The following LZTS1 variants were observed in gnomAD, a reference collection of about 807,000 sequenced individuals.
The protein encoded by LZTS1 is leucine zipper tumor suppressor 1.
A neutral mutation model predicts 45.8 loss-of-function variants in LZTS1; 31 were observed. That is an observed-to-expected ratio of 0.68 (90% CI 0.51 to 0.91). The LOEUF (loss-of-function observed/expected upper bound fraction) is 0.91, where lower values mean the gene tolerates loss of function less well. Ranked by LOEUF, LZTS1 falls within the 40% of genes least tolerant of loss-of-function variation. LZTS1 has a pLI of 0.00. For synonymous variants in LZTS1, 359 were observed against 357.3 expected, an observed-to-expected ratio of 1.00 and a Z score of -0.05; for missense variants, 821 against 788.9, an observed-to-expected ratio of 1.04 and a Z score of -0.49.
Position 20,250,079 on chromosome 8 carries a change from C to T in LZTS1, c.1434G>A (p.Leu478=), listed in dbSNP as rs754473826. 3 of 1,606,760 alleles carry T rather than the reference C, an allele frequency of 1.9e-6. No individual in the cohort carries two copies. Among genetic ancestry groups the T allele is most frequent in the Non-Finnish European group, 2.5e-6 (3 of 1,179,250 alleles). Residue 478 remains leucine, a synonymous_variant, in exon 4 of 4, where the codon CTG becomes CTA. Coordinates refer to ENST00000381569, the MANE Select transcript of LZTS1 (RefSeq NM_021020.5). ...CGCGGGCCAGGGCGGCCTGGGCCCG[C>T]AGCTCCTGCAGCTCCTGCTCCAGCA... ...VNLLEQELQE[L]RAQAALARDM... is the part of the protein sequence containing the mutation.
rs1041065825 is a variant in LZTS1 at position 20,248,756 on chromosome 8, C to A, written c.*966G>T. The A allele has an allele frequency of 6.6e-6, 1 of 152,248 alleles. No individual in the cohort carries two copies. Among genetic ancestry groups the A allele is most frequent in the African/African-American group, 2.4e-5 (1 of 41,426 alleles). The allele number at this position is 152,248 out of a possible 1,614,324, so 9.4% of individuals were successfully genotyped here. ...TGGGCTCTTCTGGATCAAGCAAAAG[C>A]TTGATTCTGGGGAGGGAAAAACATT... On this transcript the variant is annotated 3_prime_UTR_variant, in exon 4 of 4. Coordinates refer to ENST00000381569, the MANE Select transcript of LZTS1 (RefSeq NM_021020.5).
At position 20,253,854 on chromosome 8, in the gene LZTS1, G is replaced by A. The variant is rs532193891; in HGVS notation, c.346-269C>T. 2.6e-5 allele frequency among the ~76,000 whole-genome samples: 4 copies of A among 152,278 alleles called. No individual in the cohort carries two copies. In the South Asian group the frequency reaches 6.2e-4, roughly 24 times the overall value. On this transcript the variant is annotated intron_variant, in intron 2 of 3. Transcript: ENST00000381569. Reference sequence around the variant, plus strand: ...CACCAGCTTGCCCCAGCCCTCCCGAGGTGATAAATACCATCTTGAGGCTCC... The same window carrying A: ...CACCAGCTTGCCCCAGCCCTCCCGAAGTGATAAATACCATCTTGAGGCTCC...
intron 1 of LZTS1, among the ~76,000 whole-genome samples, chr8:20,300,271 A>G (rs1801052029): frequency 6.6e-6 from 1 of 152,046 alleles, no homozygotes; most frequent in Admixed American, 6.6e-5. Flanking sequence ...CTTTCCCCTT[A>G]CCTTATTAAA....
At chr8:20,303,383 ACTT>A (rs1485881813) in intron 1 of LZTS1, among the ~76,000 whole-genome samples, 1 of 151,042 alleles carries the variant, frequency 6.6e-6, no homozygotes, top group Non-Finnish European at 1.5e-5. Flanking sequence ...CCCACCTCCC[ACTT>A]CTTCACCTCC....
chr8:20,249,369 G>C lies in LZTS1; in HGVS notation c.*353C>G, dbSNP rs915841214. The C allele has an allele frequency of 2.1e-5, 5 of 237,146 alleles. No individual in the cohort carries two copies. The highest frequency in any genetic ancestry group is 1.1e-4 in the African/African-American group (5 of 44,618). 14.7% of individuals were successfully genotyped at this position (237,146 alleles called of 1,614,324 possible). ...AGAGGTTGGGATGAGAAGCAGAGGG[G>C]AGCCGCTGTACTTGCTGTGGCCACC... On this transcript the variant is annotated 3_prime_UTR_variant, in exon 4 of 4. Transcript: ENST00000381569.
chr8:20,260,219 T>C (rs562454255), intron 1 of LZTS1, among the ~76,000 whole-genome samples: 25 of 152,300 alleles, frequency 1.6e-4, no homozygotes, highest in African/African-American at 6.0e-4. Context: ...ATTTTATTGA[T>C]GATTGATTGA....
In LZTS1 at chr8:20,246,272, A is replaced by G. The variant is rs557295292; in HGVS notation, c.*3450T>C. 1 of 152,726 alleles carries G rather than the reference A, an allele frequency of 6.5e-6. No individual in the cohort carries two copies. The highest frequency in any genetic ancestry group is 2.1e-4 in the South Asian group (1 of 4,834). 9.5% of individuals were successfully genotyped at this position (152,726 alleles called of 1,614,324 possible). A position where few individuals can be genotyped will look rare whatever the true frequency, so the allele number is the denominator to read the frequency against. ...CGTCAAAAATAAAATGAAGCTGTCA[A>G]AAGCAAACCAAACCAAACAAGAAAC... On this transcript the variant is annotated 3_prime_UTR_variant, in exon 4 of 4. Transcript: ENST00000381569.
intron 1 of LZTS1, among the ~76,000 whole-genome samples, chr8:20,283,407 C>A (rs1254294156): frequency 6.6e-6 from 1 of 152,144 alleles, no homozygotes; most frequent in Non-Finnish European, 1.5e-5. Flanking sequence ...GGGTCCTCCC[C>A]AGACACTGAA....
intron 1 of LZTS1, among the ~76,000 whole-genome samples, chr8:20,287,175 G>C (rs763936239): frequency 7.1e-6 from 1 of 140,106 alleles, no homozygotes; most frequent in Non-Finnish European, 1.5e-5. Flanking sequence ...GGACGAGAAA[G>C]GTGTTCGGTG....
intron 1 of LZTS1, among the ~76,000 whole-genome samples, chr8:20,291,823 A>G (rs1443876822): frequency 6.7e-6 from 1 of 148,216 alleles, no homozygotes; most frequent in Non-Finnish European, 1.5e-5. Context: ...ACACTGATCT[A>G]TCTGATTTCC....
chr8:20,274,826 T>A (rs1800544229), intron 1 of LZTS1, among the ~76,000 whole-genome samples: 1 of 152,222 alleles, frequency 6.6e-6, no homozygotes, highest in Non-Finnish European at 1.5e-5. Context: ...TGGCCCCACC[T>A]AAACTGGAAG....
chr8:20,275,061 A>T (rs1022227695), intron 1 of LZTS1, among the ~76,000 whole-genome samples: 25 of 152,014 alleles, frequency 1.6e-4, no homozygotes, highest in Middle Eastern at 3.2e-3. Flanking sequence ...GGTGGGGGAC[A>T]GATACTAATG....
intron 1 of LZTS1, among the ~76,000 whole-genome samples, chr8:20,302,199 T>G: frequency 6.6e-6 from 1 of 152,180 alleles, no homozygotes; most frequent in Middle Eastern, 3.4e-3. Context: ...ATAAAGGAGA[T>G]AACGTATGAG....
intron 1 of LZTS1, among the ~76,000 whole-genome samples, chr8:20,276,505 G>A (rs1054434089): frequency 6.6e-5 from 10 of 152,218 alleles, no homozygotes; most frequent in African/African-American, 2.2e-4. Context: ...GTCTTGGAGG[G>A]TGGCGTGCCC....
rs150696090 is a variant in LZTS1 at position 20,253,372 on chromosome 8, T to C, written c.559A>G (p.Thr187Ala). Reference protein sequence around the residue: ...NSMSSLPTHSTSSSYQLDPLV... With the variant: ...NSMSSLPTHSASSSYQLDPLV... ...GGGTCCAGCTGGTAGCTGCTGCTGGTGCTGTGTGTGGGCAGGCTGGACATG... is the reference window on the plus strand; with the variant it reads ...GGGTCCAGCTGGTAGCTGCTGCTGGCGCTGTGTGTGGGCAGGCTGGACATG... The change falls in exon 3 of 4, where the codon ACC becomes GCC. Residue 187 changes from threonine to alanine, a missense_variant. Coordinates refer to ENST00000381569, the MANE Select transcript of LZTS1 (RefSeq NM_021020.5). 2.5e-6 allele frequency: 4 copies of C among 1,613,282 alleles called. No individual in the cohort carries two copies. Among genetic ancestry groups the C allele is most frequent in the Non-Finnish European group, 3.4e-6 (4 of 1,179,670 alleles).
At chr8:20,299,679 A>T (rs1049220512) in intron 1 of LZTS1, among the ~76,000 whole-genome samples, 1 of 152,114 alleles carries the variant, frequency 6.6e-6, no homozygotes, top group Non-Finnish European at 1.5e-5. Context: ...CCTATATGAG[A>T]AATAACAGGG....
intron 1 of LZTS1, among the ~76,000 whole-genome samples, chr8:20,298,434 G>A (rs555224327): frequency 6.6e-6 from 1 of 152,274 alleles, no homozygotes; most frequent in South Asian, 2.1e-4. Flanking sequence ...TCACAGAGTT[G>A]TTGTGAGGTG....
intron 1 of LZTS1, among the ~76,000 whole-genome samples, chr8:20,268,689 G>C (rs539776561): frequency 1.3e-5 from 2 of 151,952 alleles, no homozygotes; most frequent in African/African-American, 4.8e-5. Flanking sequence ...AAAAAGAGGC[G>C]AGAGTGGAGG....
At position 20,303,803 on chromosome 8, in the gene LZTS1, C is replaced by T; in HGVS notation, c.-198G>A. ...TTTTCCCAGTGTTTCCCGGTGTGTT[C>T]CCGTCTCTCTTTTTCCAGAGCTGCT... On this transcript the variant is annotated 5_prime_UTR_variant, in exon 1 of 4. Transcript: ENST00000381569. 1.0e-6 allele frequency: 1 copy of T among 985,234 alleles called. No individual in the cohort carries two copies. Among genetic ancestry groups the T allele is most frequent in the African/African-American group, 1.7e-5 (1 of 57,330 alleles). 61.0% of individuals were successfully genotyped at this position (985,234 alleles called of 1,614,324 possible). A position where few individuals can be genotyped will look rare whatever the true frequency, so the allele number is the denominator to read the frequency against.
Sources: gnomAD v4.1 joint callset for allele counts (sites outside exome capture counted in the v4.1 genomes callset) on GRCh38, gnomAD v4.1.1 for gene constraint, MANE v1.5 for transcripts, NCBI Gene and HGNC (gene_info 2026-07-23, HGNC 2026-07-21) for gene names.